The following SEC61A2 variants were observed in gnomAD, a reference collection of about 807,000 sequenced individuals.
The protein encoded by SEC61A2 is SEC61 translocon subunit alpha 2.
In SEC61A2, 28 loss-of-function variants were observed where a neutral mutation model predicts 59.9. That is an observed-to-expected ratio of 0.47 (90% CI 0.35 to 0.64). The LOEUF is 0.64. Ranked by LOEUF, SEC61A2 falls within the 30% of genes least tolerant of loss-of-function variation. The probability of loss-of-function intolerance (pLI) is 0.01; values close to 1 mark genes in which losing one functional copy is unlikely to be tolerated. For synonymous variants in SEC61A2, 202 were observed against 214.4 expected (o/e 0.94, Z 0.50); for missense variants, 340 against 585.9 (o/e 0.58, Z 4.33).
chr10:12,167,379 T>G, downstream of SEC61A2: 1 of 234,278 alleles, frequency 4.3e-6, no homozygotes, highest in Non-Finnish European at 8.4e-6. Context: ...CAGGTCTATT[T>G]CTCTATACAA....
chr10:12,136,118 A>G lies in SEC61A2; in HGVS notation c.89A>G (p.Glu30Gly). 6.2e-7 allele frequency: 1 copy of G among 1,607,246 alleles called. No individual in the cohort carries two copies. Among genetic ancestry groups the G allele is most frequent in the South Asian group, 1.1e-5 (1 of 90,888 alleles). The part of the protein sequence containing the change: ...QKPERKIQFR[E>G]KVLWTAITLF... ...TTTGTTGTACAGATCCAGTTTAGAG[A>G]GAAGGTTCTGTGGACTGCTATAACG... The change falls in exon 3 of 12, where the codon GAG becomes GGG. Residue 30 changes from glutamate (E) to glycine (G), a missense_variant. Transcript: ENST00000298428.
intron 1 of SEC61A2, among the ~76,000 whole-genome samples, chr10:12,131,781 C>T (rs1382145846): frequency 7.0e-6 from 1 of 142,772 alleles, no homozygotes; most frequent in African/African-American, 2.6e-5. Context: ...AGCTCCCCCT[C>T]CTGGGGTCAC....
chr10:12,132,496 C>A (rs1328758698), intron 1 of SEC61A2, among the ~76,000 whole-genome samples: 1 of 151,732 alleles, frequency 6.6e-6, no homozygotes, highest in African/African-American at 2.4e-5. Context: ...CGCCTGTAAT[C>A]CTAGCTACTC....
At position 12,158,105 on chromosome 10, in the gene SEC61A2, C is replaced by T. The variant is rs897836252; in HGVS notation, c.975C>T (p.Ala325=). 4.2e-5 allele frequency: 67 copies of T among 1,603,210 alleles called. No individual in the cohort carries two copies. The highest frequency in any genetic ancestry group is 5.3e-5 in the Non-Finnish European group (62 of 1,170,376). ...TAGTAAATTTACTAGGACAGTGGGC[C>T]GTGAGTATTATGTTTATTTACATTA... ...NFLVNLLGQW[A]DVSGGGPARS... is the part of the protein sequence containing the mutation. Residue 325 remains alanine (A), a splice_region_variant and synonymous_variant, in exon 9 of 12, where the codon GCC becomes GCT. Transcript: ENST00000298428. This position sits in a 1 kb window ranked among gnomAD's most constrained non-coding sequence, Gnocchi z 5.7.
At chr10:12,159,896 T>C (rs1456007384) in intron 9 of SEC61A2, among the ~76,000 whole-genome samples, 1 of 152,066 alleles carries the variant, frequency 6.6e-6, no homozygotes. Context: ...CTGAATGTCA[T>C]TTAAAAAAAA....
At chr10:12,140,981 C>A (rs1159461322) in intron 3 of SEC61A2, among the ~76,000 whole-genome samples, 1 of 152,048 alleles carries the variant, frequency 6.6e-6, no homozygotes, top group Non-Finnish European at 1.5e-5. Flanking sequence ...CTCACTGCAA[C>A]CTCTGCCTCC....
Position 12,133,231 on chromosome 10 carries a change from C to T in SEC61A2, c.8-10C>T. 2 of 1,357,886 alleles carry T rather than the reference C, an allele frequency of 1.5e-6. No individual in the cohort carries two copies. The highest frequency in any genetic ancestry group is 1.0e-6 in the Non-Finnish European group (1 of 963,466). 84.1% of individuals were successfully genotyped at this position (1,357,886 alleles called of 1,614,324 possible). On this transcript the variant is annotated splice_polypyrimidine_tract_variant and intron_variant, in intron 1 of 11. Transcript: ENST00000298428. ...AATAATAGGAACATTTATTATTTTTCTTTTTACAGTCAAATTTTTAGAAGT... is the reference window on the plus strand; with the variant it reads ...AATAATAGGAACATTTATTATTTTTTTTTTTACAGTCAAATTTTTAGAAGT...
rs1369361426 is a variant in SEC61A2, at chr10:12,129,686, G to C, written c.-102G>C. The C allele has an allele frequency of 1.0e-5, 12 of 1,184,450 alleles. No individual in the cohort carries two copies. The highest frequency in any genetic ancestry group is 2.4e-5 in the Admixed American group (1 of 41,042). 73.4% of individuals were successfully genotyped at this position (1,184,450 alleles called of 1,614,324 possible). ...GTTGGGCGGAGCCTGCGCGGGGCCGGTAGGATCGCGTCGGGAGCCGGTACC... is the reference window on the plus strand; with the variant it reads ...GTTGGGCGGAGCCTGCGCGGGGCCGCTAGGATCGCGTCGGGAGCCGGTACC... On this transcript the variant is annotated 5_prime_UTR_variant, in exon 1 of 12. Coordinates refer to ENST00000298428, the MANE Select transcript of SEC61A2 (RefSeq NM_018144.4). This position sits in a 1 kb window ranked among gnomAD's most constrained non-coding sequence, Gnocchi z 5.6.
At position 12,129,718 on chromosome 10, in the gene SEC61A2, C is replaced by T. The variant is rs959926322; in HGVS notation, c.-70C>T. 4.4e-4 allele frequency: 634 copies of T among 1,444,876 alleles called. 2 individuals are homozygous for T. Among genetic ancestry groups the T allele is most frequent in the Non-Finnish European group, 5.4e-4 (593 of 1,089,342 alleles). The allele number at this position is 1,444,876 out of a possible 1,614,324, so 89.5% of individuals were successfully genotyped here. ...CGCGTCGGGAGCCGGTACCGAGGCC[C>T]GAGCCGCGGGAGTCGAGCGAAGGCA... On this transcript the variant is annotated 5_prime_UTR_variant, in exon 1 of 12. Coordinates refer to ENST00000298428, the MANE Select transcript of SEC61A2 (RefSeq NM_018144.4). This position sits in a 1 kb window ranked among gnomAD's most constrained non-coding sequence, Gnocchi z 5.6.
At chr10:12,167,618 A>C (rs1353023990), downstream of SEC61A2, 1 of 1,309,252 alleles carries the variant, frequency 7.6e-7, no homozygotes, top group Non-Finnish European at 1.1e-6. Context: ...TGGCAAATCT[A>C]CATTAAACTA....
intron 4 of SEC61A2, among the ~76,000 whole-genome samples, chr10:12,146,509 T>C (rs1417025475): frequency 6.6e-6 from 1 of 151,716 alleles, no homozygotes; most frequent in Non-Finnish European, 1.5e-5. Flanking sequence ...ATTGTTTTTT[T>C]CCTTTTTTTT....
At position 12,154,741 on chromosome 10, in the gene SEC61A2, CTG is replaced by C. The variant is rs564821030; in HGVS notation, c.463-1033_463-1032del. Among the ~76,000 whole-genome samples the C allele has an allele frequency of 7.7e-4, 117 of 152,256 alleles. No individual in the cohort carries two copies. The highest frequency in any genetic ancestry group is 2.7e-3 in the African/African-American group (113 of 41,552). On this transcript the variant is annotated intron_variant, in intron 6 of 11. Transcript: ENST00000298428. The surrounding 1 kb of genome is among the most constrained non-coding windows in gnomAD (Gnocchi z 5.2). Reference sequence around the variant, plus strand: ...ATGGCAGTTAAGGAGAAAAACAACACTGTGTAAGGTAAGCATGCCTAAAATGG... The same window carrying C: ...ATGGCAGTTAAGGAGAAAAACAACACTGTAAGGTAAGCATGCCTAAAATGG...
rs1205879499 is a variant in SEC61A2, at chr10:12,157,826, T to A, written c.778-82T>A. The A allele has an allele frequency of 9.8e-6, 13 of 1,325,540 alleles. No homozygotes were observed. The East Asian group carries it at 3.0e-4, about 31-fold the overall frequency. 82.1% of individuals were successfully genotyped at this position (1,325,540 alleles called of 1,614,324 possible). ...GGCATTGTCTTTTCATCCCCCGCAC[T>A]GTTCTTTGTTTTCCCTCTCTGGTCT... On this transcript the variant is annotated intron_variant, in intron 8 of 11. Transcript: ENST00000298428.
At position 12,153,912 on chromosome 10, in the gene SEC61A2, G is replaced by A. The variant is rs1473042841; in HGVS notation, c.463-1866G>A. 14 of 1,132,422 alleles carry A rather than the reference G, an allele frequency of 1.2e-5. No individual in the cohort carries two copies. The highest frequency in any genetic ancestry group is 1.6e-5 in the Non-Finnish European group (13 of 826,076). 70.1% of individuals were successfully genotyped at this position (1,132,422 alleles called of 1,614,324 possible). On this transcript the variant is annotated intron_variant, in intron 6 of 11. Coordinates refer to ENST00000298428, the MANE Select transcript of SEC61A2 (RefSeq NM_018144.4). This position sits in a 1 kb window ranked among gnomAD's most constrained non-coding sequence, Gnocchi z 5.2. ...TAGTGTTTTTCAGCTAGTGAGTTTA[G>A]AAATCTACATAGCAGGTCTTGACTA...
chr10:12,168,127 C>T (rs961412199), downstream of SEC61A2, among the ~76,000 whole-genome samples: 4 of 151,702 alleles, frequency 2.6e-5, no homozygotes, highest in Non-Finnish European at 2.9e-5. This position sits in a 1 kb window ranked among gnomAD's most constrained non-coding sequence, Gnocchi z 4.8. Flanking sequence ...TGGGTTTAAG[C>T]GATTCTCCTG....
At chr10:12,150,982 G>A (rs940012560) in intron 6 of SEC61A2, among the ~76,000 whole-genome samples, 9 of 152,084 alleles carry the variant, frequency 5.9e-5, no homozygotes, top group East Asian at 5.8e-4. Flanking sequence ...TCACCATGTT[G>A]GCCAGGCTGG....
rs989383138 is a variant in SEC61A2 at position 12,165,400 on chromosome 10, A to C, written c.*946A>C. 1 of 950,962 alleles carries C rather than the reference A, an allele frequency of 1.1e-6. No homozygotes were observed. Among genetic ancestry groups the C allele is most frequent in the Non-Finnish European group, 1.3e-6 (1 of 798,748 alleles). 58.9% of individuals were successfully genotyped at this position (950,962 alleles called of 1,614,324 possible). On this transcript the variant is annotated 3_prime_UTR_variant, in exon 12 of 12. Coordinates refer to ENST00000298428, the MANE Select transcript of SEC61A2 (RefSeq NM_018144.4). ...GTGTTGGAAAAAATAAAGAAATCTG[A>C]TATTAAACGTTTTCTAAGATCATTT...
At chr10:12,132,654 TGA>T (rs1833784672) in intron 1 of SEC61A2, among the ~76,000 whole-genome samples, 1 of 129,728 alleles carries the variant, frequency 7.7e-6, no homozygotes, top group Non-Finnish European at 1.8e-5. Context: ...GGTGATTCCA[TGA>T]TTTTTTTGTC....
rs935964903 is a variant in SEC61A2, at chr10:12,145,903, G to A, written c.220+2708G>A. The stretch of plus-strand genomic sequence containing the variant: ...ATTTTTTGGAATCTACAGTGGAGAT[G>A]AACAGCTAAGCCCCAGGAAGAAGGG... On this transcript the variant is annotated intron_variant, in intron 4 of 11. Transcript: ENST00000298428. The surrounding 1 kb of genome is among the most constrained non-coding windows in gnomAD (Gnocchi z 4.4). Among the ~76,000 whole-genome samples the A allele has an allele frequency of 6.6e-6, 1 of 152,218 alleles. No individual in the cohort carries two copies. The highest frequency in any genetic ancestry group is 2.4e-5 in the African/African-American group (1 of 41,464).
Sources: gnomAD v4.1 joint callset for allele counts (sites outside exome capture counted in the v4.1 genomes callset) on GRCh38, gnomAD v4.1.1 for gene constraint, Gnocchi (gnomAD v3.1) non-coding constraint, MANE v1.5 for transcripts, NCBI Gene and HGNC (gene_info 2026-07-23, HGNC 2026-07-21) for gene names.